The following PID1 variants were observed in gnomAD, a reference collection of about 807,000 sequenced individuals.
PID1 encodes PTB-containing, cubilin and LRP1-interacting protein.
Under a neutral mutation model 19.1 loss-of-function variants are expected in PID1, and 10 were observed. That is an observed-to-expected ratio of 0.52 (90% CI 0.32 to 0.89). The LOEUF (loss-of-function observed/expected upper bound fraction) is 0.89. Ranked by LOEUF, PID1 falls within the 40% of genes least tolerant of loss-of-function variation. The pLI is 0.03. For synonymous variants in PID1, 130 were observed against 116.0 expected (o/e 1.12, Z -0.78); for missense variants, 248 against 285.3 (o/e 0.87, Z 0.94).
intron 2 of PID1, among the ~76,000 whole-genome samples, chr2:229,109,851 T>C (rs1022598291): frequency 2.0e-5 from 3 of 152,196 alleles, no homozygotes; most frequent in Non-Finnish European, 4.4e-5. Context: ...GAAGAGCAGA[T>C]TCAATCACTG....
chr2:229,187,114 G>T (rs1237586900), intron 1 of PID1, among the ~76,000 whole-genome samples: 2 of 152,098 alleles, frequency 1.3e-5, no homozygotes, highest in African/African-American at 4.8e-5. Context: ...GGACCTTATT[G>T]TTCGTATCAC....
intron 1 of PID1, among the ~76,000 whole-genome samples, chr2:229,202,057 T>C (rs1484856366): frequency 6.6e-6 from 1 of 152,086 alleles, no homozygotes; most frequent in Non-Finnish European, 1.5e-5. Flanking sequence ...ATTTAAATTG[T>C]GTTTTTAAAA....
intron 1 of PID1, among the ~76,000 whole-genome samples, chr2:229,186,371 C>T (rs1285352604): frequency 6.6e-6 from 1 of 152,200 alleles, no homozygotes; most frequent in Non-Finnish European, 1.5e-5. Flanking sequence ...TAGGTGACAC[C>T]CCAGTAGGGA....
chr2:229,043,989 T>G (rs146382476), intron 2 of PID1, among the ~76,000 whole-genome samples: 8 of 152,218 alleles, frequency 5.3e-5, no homozygotes, highest in Non-Finnish European at 1.2e-4. Flanking sequence ...CCCTTCCATA[T>G]TTCAGGACCT....
chr2:229,189,752 T>A (rs530117686), intron 1 of PID1, among the ~76,000 whole-genome samples: 2 of 152,166 alleles, frequency 1.3e-5, no homozygotes, highest in South Asian at 4.2e-4. Context: ...TAATAATCCA[T>A]AACGCAGAAC....
At chr2:229,134,730 A>G (rs1412696870) in intron 2 of PID1, among the ~76,000 whole-genome samples, 1 of 152,186 alleles carries the variant, frequency 6.6e-6, no homozygotes, top group East Asian at 1.9e-4. Context: ...ATGTAATACT[A>G]TTTGATTTAT....
intron 2 of PID1, among the ~76,000 whole-genome samples, chr2:229,029,756 C>T (rs1410318705): frequency 6.6e-6 from 1 of 151,052 alleles, no homozygotes; most frequent in Admixed American, 6.6e-5. Context: ...AGGAGAATCG[C>T]TTGAAACCGG....
chr2:229,068,444 C>A (rs78481544), intron 2 of PID1, among the ~76,000 whole-genome samples: 2 of 151,640 alleles, frequency 1.3e-5, no homozygotes, highest in Non-Finnish European at 2.9e-5. Context: ...TTGTCTTCAA[C>A]AAAAAAAAAA....
At chr2:229,065,161 CT>C (rs1047623494) in intron 2 of PID1, among the ~76,000 whole-genome samples, 12 of 152,186 alleles carry the variant, frequency 7.9e-5, no homozygotes, top group Admixed American at 3.3e-4. Context: ...CTTTCAGAAA[CT>C]TTGCTTTCAC....
At chr2:229,134,927 T>A (rs1689829082) in intron 2 of PID1, among the ~76,000 whole-genome samples, 1 of 106,516 alleles carries the variant, frequency 9.4e-6, no homozygotes, top group Admixed American at 1.1e-4. Flanking sequence ...AAATAGAAAT[T>A]TTATGTACTA....
At chr2:229,234,325 G>C (rs1692278236) in intron 1 of PID1, among the ~76,000 whole-genome samples, 2 of 151,164 alleles carry the variant, frequency 1.3e-5, no homozygotes, top group African/African-American at 4.8e-5. Context: ...GGTGGGTCCA[G>C]TGTAATTCAA....
intron 2 of PID1, among the ~76,000 whole-genome samples, chr2:229,086,709 C>A (rs1694774325): frequency 6.6e-6 from 1 of 152,110 alleles, no homozygotes; most frequent in Non-Finnish European, 1.5e-5. Context: ...AAAAAGATCA[C>A]ATAAGCTAAA....
At chr2:229,077,325 T>G (rs1354469064) in intron 2 of PID1, among the ~76,000 whole-genome samples, 2 of 152,194 alleles carry the variant, frequency 1.3e-5, no homozygotes, top group Non-Finnish European at 2.9e-5. Context: ...TTTCTCCAAC[T>G]CTGTAGGCTG....
intron 1 of PID1, among the ~76,000 whole-genome samples, chr2:229,265,399 A>C (rs917627962): frequency 6.6e-6 from 1 of 152,240 alleles, no homozygotes; most frequent in Non-Finnish European, 1.5e-5. Context: ...CTTTTCCCTG[A>C]CACCTTCCTT....
Position 229,071,808 on chromosome 2 carries a change from G to T in PID1, c.178-45700C>A, listed in dbSNP as rs542380272. ...AACCACTGAAATCTATGGTGTAAAA[G>T]ATATTATGGTGAAAAAGAAACAATG... On this transcript the variant is annotated intron_variant, in intron 2 of 2. Transcript: ENST00000392055. Among the ~76,000 whole-genome samples the T allele has an allele frequency of 1.1e-4, 17 of 152,258 alleles. 1 individual carries two copies. The South Asian group carries it at 2.1e-3, about 19-fold the overall frequency.
At chr2:229,179,692 C>A (rs1287173643) in intron 1 of PID1, among the ~76,000 whole-genome samples, 1 of 152,140 alleles carries the variant, frequency 6.6e-6, no homozygotes, top group Non-Finnish European at 1.5e-5. Flanking sequence ...CAAAAAAAAG[C>A]AGCTCTCCTC....
At chr2:229,239,579 G>T (rs1183464609) in intron 1 of PID1, among the ~76,000 whole-genome samples, 4 of 152,064 alleles carry the variant, frequency 2.6e-5, no homozygotes, top group Non-Finnish European at 1.5e-5. Flanking sequence ...CTAGATTTAG[G>T]AATAGGGGAT....
intron 2 of PID1, among the ~76,000 whole-genome samples, chr2:229,074,241 C>A (rs1694513451): frequency 6.6e-6 from 1 of 151,962 alleles, no homozygotes; most frequent in South Asian, 2.1e-4. Context: ...CAACAGATAC[C>A]CACTCCTCTA....
intron 1 of PID1, among the ~76,000 whole-genome samples, chr2:229,228,521 T>C (rs1692131533): frequency 6.6e-6 from 1 of 152,222 alleles, no homozygotes; most frequent in Non-Finnish European, 1.5e-5. Flanking sequence ...TTTACATTTT[T>C]TAAAAGCATG....
Sources: gnomAD v4.1 joint callset for allele counts (sites outside exome capture counted in the v4.1 genomes callset) on GRCh38, gnomAD v4.1.1 for gene constraint, MANE v1.5 for transcripts, NCBI Gene and HGNC (gene_info 2026-07-23, HGNC 2026-07-21) for gene names.